Variants in RYR2 observed in about 807,000 individuals in gnomAD.
RYR2 encodes the protein ryanodine receptor 2.
In RYR2, 227 loss-of-function variants were observed where a neutral mutation model predicts 601.1. That is an observed-to-expected ratio of 0.38 (90% CI 0.34 to 0.42). RYR2 has a LOEUF of 0.42. Among genes scored for constraint, RYR2 ranks in the 10% least tolerant of loss-of-function variants. The probability of loss-of-function intolerance (pLI) is 1.00; values close to 1 mark genes in which losing one functional copy is unlikely to be tolerated. For synonymous variants in RYR2, 2,223 were observed against 2,175.1 expected, an observed-to-expected ratio of 1.02 and a Z score of -0.61; for missense variants, 4,646 against 6,156.5, an observed-to-expected ratio of 0.75 and a Z score of 8.21.
chr1:237,175,798 A>G (rs1416678916), intron 1 of RYR2, among the ~76,000 whole-genome samples: 4 of 152,212 alleles, frequency 2.6e-5, no homozygotes, highest in African/African-American at 7.2e-5. Context: ...ATTTCCAGGC[A>G]GAAGGAACTA....
At chr1:237,613,729 T>G (rs979526112) in intron 36 of RYR2, among the ~76,000 whole-genome samples, 4 of 152,180 alleles carry the variant, frequency 2.6e-5, no homozygotes, top group African/African-American at 9.7e-5. Context: ...AAATTCGAAA[T>G]GCTCCAAAAT....
intron 67 of RYR2, among the ~76,000 whole-genome samples, chr1:237,705,664 C>T (rs1688308290): frequency 6.6e-6 from 1 of 152,102 alleles, no homozygotes; most frequent in South Asian, 2.1e-4. Context: ...GGGAGTATCG[C>T]AGCCTAGACG....
At chr1:237,170,323 G>A (rs527778101) in intron 1 of RYR2, among the ~76,000 whole-genome samples, 32 of 152,292 alleles carry the variant, frequency 2.1e-4, no homozygotes, top group African/African-American at 7.5e-4. Flanking sequence ...CAGGCTCTTA[G>A]GCAGCAGGAA....
At chr1:237,485,452 A>G (rs933669359) in intron 17 of RYR2, among the ~76,000 whole-genome samples, 1 of 152,206 alleles carries the variant, frequency 6.6e-6, no homozygotes, top group Non-Finnish European at 1.5e-5. Context: ...TGAGAATTTT[A>G]AAAATGTGAA....
intron 29 of RYR2, among the ~76,000 whole-genome samples, chr1:237,588,144 A>G (rs1302332287): frequency 2.0e-5 from 3 of 152,064 alleles, no homozygotes; most frequent in Admixed American, 6.5e-5. Context: ...AATTTTTTTT[A>G]GTTTTAACTA....
chr1:237,731,978 C>T, intron 77 of RYR2, 68 bp from the exon 78 acceptor site: 2 of 954,258 alleles, frequency 2.1e-6, no homozygotes, highest in Non-Finnish European at 3.3e-6. Flanking sequence ...CTGTCCTTCA[C>T]AGTGCTTTTG....
intron 1 of RYR2, among the ~76,000 whole-genome samples, chr1:237,135,552 A>G (rs1473732270): frequency 2.2e-5 from 2 of 91,564 alleles, no homozygotes; most frequent in East Asian, 3.0e-4. Context: ...TTTTTTTTTC[A>G]TTTTTAGTAG....
chr1:237,493,397 AT>A (rs1663633576), intron 19 of RYR2, among the ~76,000 whole-genome samples: 1 of 152,146 alleles, frequency 6.6e-6, no homozygotes, highest in South Asian at 2.1e-4. Flanking sequence ...GTTGTATATA[AT>A]TGTACTTTAC....
rs779637196 is a variant in RYR2 at position 237,614,491 on chromosome 1, A to C, written c.5363A>C (p.Lys1788Thr). 11 of 1,613,946 alleles carry C rather than the reference A, an allele frequency of 6.8e-6. No homozygotes were observed. The highest frequency in any genetic ancestry group is 9.3e-6 in the Non-Finnish European group (11 of 1,179,906). The change falls in exon 37 of 105, where the codon AAG (lysine) becomes ACG (threonine). Residue 1788 changes from lysine (K) to threonine (T), a missense_variant. This residue lies in a region of RYR2 where 1,807 missense variants were observed against 2,088.1 expected (regional missense o/e 0.87). Coordinates refer to ENST00000366574, the MANE Select transcript of RYR2 (RefSeq NM_001035.3). The surrounding 1 kb of genome is among the most constrained non-coding windows in gnomAD (Gnocchi z 4.3). ...CCAGAGTTCCCACTGGACATCCTCA[A>C]GTCCAAAACCATACAGATGCTGACA... is the stretch of plus-strand genomic sequence containing the variant. ...YSPEFPLDIL[K>T]SKTIQMLTEA...
At chr1:237,145,563 A>G (rs1673915053) in intron 1 of RYR2, among the ~76,000 whole-genome samples, 1 of 152,186 alleles carries the variant, frequency 6.6e-6, no homozygotes, top group Non-Finnish European at 1.5e-5. Context: ...CTCTGAAAAC[A>G]TCTTGTTCAT....
chr1:237,788,889 A>G (rs1396125005), intron 92 of RYR2, among the ~76,000 whole-genome samples: 9 of 152,056 alleles, frequency 5.9e-5, no homozygotes, highest in Admixed American at 5.9e-4. Context: ...ATGCATGTGT[A>G]ATGTCACATG....
intron 56 of RYR2, among the ~76,000 whole-genome samples, chr1:237,664,790 G>A (rs1400161033): frequency 6.6e-6 from 1 of 152,180 alleles, no homozygotes; most frequent in Non-Finnish European, 1.5e-5. Flanking sequence ...CAATAGCTGT[G>A]TTAGGTGAGG....
At chr1:237,503,550 G>C in intron 22 of RYR2, 45 bp downstream of exon 22, 7 of 1,581,792 alleles carry the variant, frequency 4.4e-6, no homozygotes, top group Non-Finnish European at 6.1e-6. Context: ...TTGCAGTCAT[G>C]CTGATACACA....
intron 12 of RYR2, among the ~76,000 whole-genome samples, chr1:237,432,351 A>T (rs1414369131): frequency 6.6e-6 from 1 of 152,188 alleles, no homozygotes; most frequent in Non-Finnish European, 1.5e-5. Context: ...AACAGAATCA[A>T]TAACAACAAT....
At chr1:237,696,070 G>A (rs898499665) in intron 63 of RYR2, among the ~76,000 whole-genome samples, 1 of 152,106 alleles carries the variant, frequency 6.6e-6, no homozygotes, top group African/African-American at 2.4e-5. Context: ...ACTATTCTAG[G>A]TGCAGGGAAC....
At chr1:237,166,588 C>A (rs555790789) in intron 1 of RYR2, among the ~76,000 whole-genome samples, 1 of 152,180 alleles carries the variant, frequency 6.6e-6, no homozygotes, top group South Asian at 2.1e-4. Flanking sequence ...CATTGAAAAG[C>A]AGGCAAAATC....
At chr1:237,551,781 T>TATA (rs1439042693) in intron 27 of RYR2, among the ~76,000 whole-genome samples, 1 of 152,176 alleles carries the variant, frequency 6.6e-6, no homozygotes, top group East Asian at 1.9e-4. Context: ...TAATGATAGT[T>TATA]TATATATTCA....
Position 237,237,476 on chromosome 1 carries a change from T to C in RYR2, c.49-33021T>C, listed in dbSNP as rs140709656. Among the ~76,000 whole-genome samples, 11 of 152,298 alleles carry C rather than the reference T, an allele frequency of 7.2e-5. No individual in the cohort carries two copies. The East Asian group carries it at 1.7e-3, about 24-fold the overall frequency. ...AAGAAGTGGAATTGGACATGTTCCG[T>C]TACACTCTCCTCCCTTTGGAATTCA... On this transcript the variant is annotated intron_variant, in intron 1 of 104. Coordinates refer to ENST00000366574, the MANE Select transcript of RYR2 (RefSeq NM_001035.3).
chr1:237,064,436 C>T (rs991630636), intron 1 of RYR2, among the ~76,000 whole-genome samples: 1 of 152,064 alleles, frequency 6.6e-6, no homozygotes, highest in Non-Finnish European at 1.5e-5. Flanking sequence ...ACATGTATCA[C>T]ATTTACGTTT....
Sources: allele counts gnomAD v4.1 joint callset (sites outside exome capture counted in the v4.1 genomes callset), GRCh38; gene constraint gnomAD v4.1.1; regional missense constraint gnomAD v4.1.1; non-coding constraint Gnocchi (gnomAD v3.1); transcripts MANE v1.5; gene names NCBI Gene and HGNC (gene_info 2026-07-23, HGNC 2026-07-21).